Variants in TMEM266 observed in about 807,000 individuals in gnomAD.
TMEM266 encodes Hv1 related protein 1.
TMEM266 carries 33 observed loss-of-function variants against 50.5 expected under a neutral mutation model. The ratio of observed to expected loss-of-function variants is 0.65; its 90% CI spans 0.50 to 0.87. The LOEUF (loss-of-function observed/expected upper bound fraction) is 0.87, where lower values mean the gene tolerates loss of function less well. TMEM266 is among the 40% of genes least tolerant of loss of function. The pLI is 0.00. For missense variants in TMEM266, 655 were observed against 695.1 expected (o/e 0.94, Z 0.65); for synonymous variants, 310 against 292.3 (o/e 1.06, Z -0.62).
intron 3 of TMEM266, among the ~76,000 whole-genome samples, chr15:76,154,994 C>G (rs2037903510): frequency 6.6e-6 from 1 of 151,926 alleles, no homozygotes; most frequent in Non-Finnish European, 1.5e-5. Context: ...GATATTTTAT[C>G]ATCATCGTCG....
chr15:76,138,945 G>A (rs1413691891), intron 3 of TMEM266, among the ~76,000 whole-genome samples: 1 of 152,156 alleles, frequency 6.6e-6, no homozygotes, highest in Non-Finnish European at 1.5e-5. Flanking sequence ...GTAGCTGAAG[G>A]CCAAAGAGGG....
At chr15:76,094,322 T>C (rs1371052461) in intron 1 of TMEM266, among the ~76,000 whole-genome samples, 4 of 152,030 alleles carry the variant, frequency 2.6e-5, no homozygotes, top group Non-Finnish European at 4.4e-5. Flanking sequence ...CCAGTTTCAG[T>C]TTTCTGCAGA....
chr15:76,073,806 G>T (rs2036569889), intron 1 of TMEM266, among the ~76,000 whole-genome samples: 1 of 152,216 alleles, frequency 6.6e-6, no homozygotes, highest in South Asian at 2.1e-4. Context: ...GCTTATTCAT[G>T]TGTGGCATGA....
intron 10 of TMEM266, among the ~76,000 whole-genome samples, chr15:76,203,133 T>A (rs1414477131): frequency 6.6e-6 from 1 of 152,002 alleles, no homozygotes; most frequent in Non-Finnish European, 1.5e-5. Context: ...GATCCTGTGA[T>A]GCATGCTAAG....
rs898265846 is a variant in TMEM266, at chr15:76,134,370, C to G, written c.38+69C>G. On this transcript the variant is annotated intron_variant, in intron 2 of 10. Coordinates refer to ENST00000388942, the MANE Select transcript of TMEM266 (RefSeq NM_152335.3). ...TATAAATCTCCCAGAAGATGAAGAT[C>G]TTCTAATTTAGGCAGCCACTATGTA... is the stretch of plus-strand genomic sequence containing the variant. The G allele has an allele frequency of 1.8e-5, 27 of 1,539,384 alleles. No homozygotes were observed. The East Asian group carries it at 6.1e-4, about 35-fold the overall frequency.
chr15:76,193,239 C>T (rs1449672511), intron 9 of TMEM266, among the ~76,000 whole-genome samples: 1 of 143,344 alleles, frequency 7.0e-6, no homozygotes, highest in African/African-American at 2.7e-5. Flanking sequence ...CGAATGGTTG[C>T]TTTTTTTTTG....
intron 7 of TMEM266, chr15:76,175,154 C>T (rs535996366): frequency 2.5e-4 from 48 of 188,346 alleles, no homozygotes; most frequent in African/African-American, 1.0e-3. Context: ...GCTCCAGGGC[C>T]GCCCCATCCT....
rs2038125153 is a variant in TMEM266, at chr15:76,168,050, CAGA to C, written c.457-1763_457-1761del. Among the ~76,000 whole-genome samples, 1 of 152,210 alleles carries C rather than the reference CAGA, an allele frequency of 6.6e-6. No homozygotes were observed. Among genetic ancestry groups the C allele is most frequent in the Admixed American group, 6.5e-5 (1 of 15,284 alleles). On this transcript the variant is annotated intron_variant, in intron 5 of 10. Transcript: ENST00000388942. This position sits in a 1 kb window ranked among gnomAD's most constrained non-coding sequence, Gnocchi z 4.4. ...TATAACATGTAACCCACCTCTCTGG[CAGA>C]AGGAGAAACTGAGGCCCAGGGACGG...
intron 8 of TMEM266, chr15:76,176,210 C>T (rs539603267): frequency 6.5e-6 from 1 of 154,566 alleles, no homozygotes; most frequent in South Asian, 2.0e-4. Flanking sequence ...CCAGGGGCAC[C>T]CTGTCGGGAA....
chr15:76,169,638 A>G (rs1181008060), intron 5 of TMEM266, among the ~76,000 whole-genome samples, 178 bp from the exon 6 acceptor site: 1 of 152,172 alleles, frequency 6.6e-6, no homozygotes, highest in Non-Finnish European at 1.5e-5. Context: ...CGAAGGCTGG[A>G]GCTGGGGCAC....
intron 9 of TMEM266, among the ~76,000 whole-genome samples, chr15:76,198,404 A>C (rs2038688492): frequency 6.6e-6 from 1 of 152,116 alleles, no homozygotes; most frequent in Non-Finnish European, 1.5e-5. Flanking sequence ...TTATTCTTAG[A>C]TGGAAGGTGG....
Position 76,146,971 on chromosome 15 carries a change from G to A in TMEM266, c.227+9076G>A, listed in dbSNP as rs576676630. 2.0e-5 allele frequency among the ~76,000 whole-genome samples: 3 copies of A among 152,340 alleles called. No individual in the cohort carries two copies. In the East Asian group the frequency reaches 5.8e-4, roughly 29 times the overall value. ...ATCAGATCACTTGAGCCTGGAACAG[G>A]GGTGTTGACTGATCAAGGAATGACT... On this transcript the variant is annotated intron_variant, in intron 3 of 10. Transcript: ENST00000388942.
intron 1 of TMEM266, among the ~76,000 whole-genome samples, chr15:76,061,859 CA>C: frequency 6.6e-6 from 1 of 152,320 alleles, no homozygotes; most frequent in African/African-American, 2.4e-5. Context: ...GTCTCACTGC[CA>C]GTCATCAGAG....
At chr15:76,114,393 G>A (rs749152852) in intron 1 of TMEM266, among the ~76,000 whole-genome samples, 4 of 152,204 alleles carry the variant, frequency 2.6e-5, no homozygotes, top group African/African-American at 7.2e-5. Context: ...TGTGGTACAC[G>A]CCTGAGGTTC....
At chr15:76,193,981 C>T (rs529582031) in intron 9 of TMEM266, among the ~76,000 whole-genome samples, 16 of 152,322 alleles carry the variant, frequency 1.1e-4, no homozygotes, top group Non-Finnish European at 1.8e-4. Flanking sequence ...ATTACTGGGG[C>T]GCTGCAAGCC....
At chr15:76,135,243 T>C (rs2037570440) in intron 2 of TMEM266, among the ~76,000 whole-genome samples, 1 of 152,220 alleles carries the variant, frequency 6.6e-6, no homozygotes, top group South Asian at 2.1e-4. Flanking sequence ...TTAATACATT[T>C]TGTCTACCAT....
At chr15:76,075,359 G>A (rs1041317959) in intron 1 of TMEM266, among the ~76,000 whole-genome samples, 1 of 152,140 alleles carries the variant, frequency 6.6e-6, no homozygotes. Flanking sequence ...ATTCAGTGAA[G>A]GGAGAGGAAA....
intron 9 of TMEM266, among the ~76,000 whole-genome samples, chr15:76,196,744 C>T (rs1254256096): frequency 1.3e-5 from 2 of 152,126 alleles, no homozygotes; most frequent in Non-Finnish European, 2.9e-5. Context: ...GGTGCCAGCC[C>T]CAGCCGTGAG....
chr15:76,173,886 T>C (rs2038225472), intron 7 of TMEM266, among the ~76,000 whole-genome samples: 1 of 150,146 alleles, frequency 6.7e-6, no homozygotes, highest in Non-Finnish European at 1.5e-5. Context: ...TGAGCTGAGA[T>C]CATGTCACTG....
Sources: gnomAD v4.1 joint callset for allele counts (sites outside exome capture counted in the v4.1 genomes callset) on GRCh38, gnomAD v4.1.1 for gene constraint, Gnocchi (gnomAD v3.1) non-coding constraint, MANE v1.5 for transcripts, NCBI Gene and HGNC (gene_info 2026-07-23, HGNC 2026-07-21) for gene names.